Variants in CCDC141 observed in about 807,000 individuals in gnomAD.
CCDC141 encodes coiled-coil domain-containing protein 141.
A neutral mutation model predicts 181.0 loss-of-function variants in CCDC141; 168 were observed. The observed-to-expected ratio is 0.93, with a 90% CI of 0.82 to 1.05. CCDC141 has a LOEUF of 1.05. Ranked by LOEUF, CCDC141 falls within the 50% of genes least tolerant of loss-of-function variation. CCDC141 has a pLI of 0.00. For missense variants in CCDC141, 1,902 were observed against 1,788.5 expected (o/e 1.06, Z -1.14); for synonymous variants, 666 against 642.3 (o/e 1.04, Z -0.56).
At chr2:179,004,914 G>A (rs569078728) in intron 2 of CCDC141, among the ~76,000 whole-genome samples, 7 of 152,062 alleles carry the variant, frequency 4.6e-5, no homozygotes, top group South Asian at 2.1e-4. Context: ...GTATTTTTTG[G>A]GGAGATGGGG....
In CCDC141 at chr2:178,903,456, G is replaced by A. The variant is rs534661210; in HGVS notation, c.1265+1873C>T. On this transcript the variant is annotated intron_variant, in intron 8 of 23. Coordinates refer to ENST00000443758, the MANE Select transcript of CCDC141 (RefSeq NM_173648.4). ...AAATTATGAGTTCATGTCCTTTGTA[G>A]GGACATGGATGAAATTGGAAATCAT... Among the ~76,000 whole-genome samples, 664 of 152,056 alleles carry A rather than the reference G, an allele frequency of 4.4e-3. 8 individuals are homozygous for A. The highest frequency in any genetic ancestry group is 0.015 in the African/African-American group (637 of 41,476).
chr2:178,891,200 AACG>A (rs1386972537), intron 8 of CCDC141, among the ~76,000 whole-genome samples: 4 of 152,200 alleles, frequency 2.6e-5, no homozygotes, highest in African/African-American at 7.2e-5. Context: ...AAAATTCCAT[AACG>A]ACAACTAATA....
rs1384206020 is a variant in CCDC141 at position 178,850,115 on chromosome 2, G to C, written c.3291C>G (p.His1097Gln). The C allele has an allele frequency of 1.9e-6, 3 of 1,611,394 alleles. No homozygotes were observed. Among genetic ancestry groups the C allele is most frequent in the Non-Finnish European group, 2.5e-6 (3 of 1,178,344 alleles). The change falls in exon 21 of 24, where the codon CAC (histidine) becomes CAG (glutamine). Residue 1097 changes from histidine (H) to glutamine (Q), a missense_variant. Coordinates refer to ENST00000443758, the MANE Select transcript of CCDC141 (RefSeq NM_173648.4). ...CAGTCACAGATTCAAGAACCTCTTT[G>C]TGTTTTGTCACTATTTTCTCAATAT... is the stretch of plus-strand genomic sequence containing the variant. ...QKYIEKIVTK[H>Q]KEVLESVTEL...
intron 23 of CCDC141, 112 bp downstream of exon 23, chr2:178,836,782 T>A (rs1480166740): frequency 8.4e-7 from 1 of 1,187,114 alleles, no homozygotes; most frequent in Non-Finnish European, 1.2e-6. Flanking sequence ...AGTTGCAGTG[T>A]CATAGAATAT....
At chr2:178,932,706 CG>C (rs1280747985) in intron 6 of CCDC141, among the ~76,000 whole-genome samples, 3 of 152,016 alleles carry the variant, frequency 2.0e-5, no homozygotes, top group African/African-American at 7.2e-5. Context: ...CACCCACATA[CG>C]GTGTGATTTT....
chr2:178,866,528 ATATTT>A, intron 16 of CCDC141, among the ~76,000 whole-genome samples: 1 of 152,362 alleles, frequency 6.6e-6, no homozygotes, highest in South Asian at 2.1e-4. Flanking sequence ...TAAAAAATAC[ATATTT>A]TAGATTCACT....
chr2:178,866,058 A>T (rs1266607363), intron 16 of CCDC141, 142 bp from the exon 17 acceptor site: 2 of 589,076 alleles, frequency 3.4e-6, no homozygotes, highest in Non-Finnish European at 5.2e-6. Flanking sequence ...CCTTAAACAT[A>T]TTTGAACATA....
intron 5 of CCDC141, 143 bp downstream of exon 5, chr2:178,961,087 A>G (rs983730370): frequency 3.7e-6 from 3 of 817,134 alleles, no homozygotes; most frequent in Non-Finnish European, 5.6e-6. Context: ...GAAAAACAAC[A>G]TGGTAGTTTG....
chr2:178,938,149 T>C (rs1689363990), intron 6 of CCDC141, among the ~76,000 whole-genome samples: 1 of 152,090 alleles, frequency 6.6e-6, no homozygotes, highest in Admixed American at 6.6e-5. Flanking sequence ...TCTGTTGCAA[T>C]GATAGGTTGT....
At chr2:178,847,468 C>T (rs1023910498) in intron 21 of CCDC141, among the ~76,000 whole-genome samples, 2 of 152,092 alleles carry the variant, frequency 1.3e-5, no homozygotes, top group South Asian at 2.1e-4. Flanking sequence ...GAAGTCGAGG[C>T]TGCCGTGAGC....
chr2:179,028,164 T>C (rs1417900426), intron 2 of CCDC141, among the ~76,000 whole-genome samples: 1 of 152,164 alleles, frequency 6.6e-6, no homozygotes, highest in Non-Finnish European at 1.5e-5. Flanking sequence ...TTGCCTTACA[T>C]TCCTCCTGTT....
At chr2:178,999,069 A>C (rs1381716456) in intron 2 of CCDC141, among the ~76,000 whole-genome samples, 1 of 152,166 alleles carries the variant, frequency 6.6e-6, no homozygotes, top group Non-Finnish European at 1.5e-5. Context: ...CCTCTTTCCA[A>C]GTGAACACAT....
chr2:178,996,194 C>T (rs1200534672), intron 2 of CCDC141, among the ~76,000 whole-genome samples: 1 of 151,710 alleles, frequency 6.6e-6, no homozygotes, highest in Non-Finnish European at 1.5e-5. Flanking sequence ...TCTCCTGCCT[C>T]AGCCTTTGGA....
intron 5 of CCDC141, among the ~76,000 whole-genome samples, chr2:178,958,759 G>A (rs1030889889): frequency 4.0e-5 from 6 of 151,674 alleles, no homozygotes; most frequent in Non-Finnish European, 8.8e-5. Context: ...GATGATTACC[G>A]CTATAGTCAT....
chr2:178,983,732 C>G (rs1323238812), intron 2 of CCDC141, among the ~76,000 whole-genome samples: 21 of 151,714 alleles, frequency 1.4e-4, no homozygotes, highest in Non-Finnish European at 2.8e-4. Flanking sequence ...AAGATGAAAT[C>G]AATGAAATGA....
At chr2:178,955,562 T>C (rs1690126195) in intron 5 of CCDC141, among the ~76,000 whole-genome samples, 2 of 152,178 alleles carry the variant, frequency 1.3e-5, no homozygotes, top group African/African-American at 4.8e-5. Flanking sequence ...AATATGTTTA[T>C]GATTTTTTTC....
chr2:179,002,152 CAG>C, intron 2 of CCDC141: 1 of 239,984 alleles, frequency 4.2e-6, no homozygotes, highest in South Asian at 5.5e-5. Context: ...CACATGGCCA[CAG>C]AAGTAGCTGC....
chr2:178,948,288 A>T (rs1689812909), intron 5 of CCDC141, among the ~76,000 whole-genome samples: 2 of 152,064 alleles, frequency 1.3e-5, no homozygotes, highest in East Asian at 3.8e-4. Flanking sequence ...ATTGCTTTTC[A>T]TCCTTTTATG....
chr2:178,934,098 TA>T (rs1194001347), intron 6 of CCDC141, among the ~76,000 whole-genome samples: 1 of 79,006 alleles, frequency 1.3e-5, no homozygotes, highest in Non-Finnish European at 2.6e-5. Context: ...CAGACATCAG[TA>T]TTTTTTTCAA....
Sources: allele counts gnomAD v4.1 joint callset (sites outside exome capture counted in the v4.1 genomes callset), GRCh38; gene constraint gnomAD v4.1.1; transcripts MANE v1.5; gene names NCBI Gene and HGNC (gene_info 2026-07-23, HGNC 2026-07-21).